The following ATP1B3 variants were observed in gnomAD, a reference collection of about 807,000 sequenced individuals.
ATP1B3 encodes the protein ATPase Na+/K+ transporting subunit beta 3.
In ATP1B3, 10 loss-of-function variants were observed where a neutral mutation model predicts 30.2. The ratio of observed to expected loss-of-function variants is 0.33; its 90% CI spans 0.20 to 0.56. ATP1B3 has a LOEUF of 0.56. Ranked by LOEUF, ATP1B3 falls within the 20% of genes least tolerant of loss-of-function variation. The probability of loss-of-function intolerance (pLI) is 0.90; values close to 1 mark genes in which losing one functional copy is unlikely to be tolerated. For synonymous variants in ATP1B3, 113 were observed against 117.0 expected, an observed-to-expected ratio of 0.97 and a Z score of 0.22; for missense variants, 238 against 336.7, an observed-to-expected ratio of 0.71 and a Z score of 2.29.
intron 1 of ATP1B3, among the ~76,000 whole-genome samples, chr3:141,886,398 G>A (rs1406857725): frequency 1.5e-4 from 23 of 152,040 alleles, no homozygotes; most frequent in Non-Finnish European, 1.5e-5. Context: ...ATGCTCAGGT[G>A]GAAATAATAC....
At chr3:141,901,623 T>A (rs922280744) in intron 1 of ATP1B3, among the ~76,000 whole-genome samples, 1 of 152,224 alleles carries the variant, frequency 6.6e-6, no homozygotes, top group Admixed American at 6.5e-5. Flanking sequence ...TTCTTTATAC[T>A]CATTATTTTC....
At chr3:141,917,771 AT>A (rs751369430) in intron 5 of ATP1B3, among the ~76,000 whole-genome samples, 146 of 140,898 alleles carry the variant, frequency 1.0e-3, no homozygotes, top group Admixed American at 1.1e-3. Context: ...ATTTTATTTT[AT>A]TTTTTTTTTT....
intron 3 of ATP1B3, among the ~76,000 whole-genome samples, chr3:141,908,068 CTT>C (rs56374653): frequency 0.044 from 4,782 of 109,328 alleles, 199 homozygotes; most frequent in African/African-American, 0.15. Context: ...GCCAGGCATT[CTT>C]TTTTTTTTTT....
chr3:141,879,550 T>A (rs1007859161), intron 1 of ATP1B3, among the ~76,000 whole-genome samples: 9 of 151,566 alleles, frequency 5.9e-5, no homozygotes, highest in African/African-American at 2.2e-4. Flanking sequence ...GGTGGGTGGA[T>A]CACTTGAGGG....
chr3:141,918,765 CTTGT>C (rs1342155648), intron 5 of ATP1B3: 1 of 152,122 alleles, frequency 6.6e-6, no homozygotes, highest in Non-Finnish European at 1.5e-5. Flanking sequence ...CATTTTTCTT[CTTGT>C]TTATCTATTA....
chr3:141,911,273 A>G (rs575179895), intron 3 of ATP1B3, among the ~76,000 whole-genome samples: 1 of 152,046 alleles, frequency 6.6e-6, no homozygotes, highest in East Asian at 1.9e-4. Context: ...CTGGGGGTTT[A>G]CTTTAATTTT....
chr3:141,901,309 GTAAC>G (rs1200454154), intron 1 of ATP1B3, among the ~76,000 whole-genome samples: 1 of 152,156 alleles, frequency 6.6e-6, no homozygotes, highest in Non-Finnish European at 1.5e-5. Flanking sequence ...CTACATCTGA[GTAAC>G]TAATTTAACT....
intron 4 of ATP1B3, among the ~76,000 whole-genome samples, chr3:141,915,210 C>T (rs1390044991): frequency 6.6e-6 from 1 of 152,106 alleles, no homozygotes; most frequent in Non-Finnish European, 1.5e-5. Flanking sequence ...TGACTCAGGG[C>T]ATGGCTTTGT....
Position 141,917,565 on chromosome 3 carries a change from G to A in ATP1B3, c.582+1545G>A, listed in dbSNP as rs144332274. On this transcript the variant is annotated intron_variant, in intron 5 of 6. Transcript: ENST00000286371. ...GAAAATTAGCTGGGCATGGTGGCAC[G>A]CACCTGTAGTCCCAGCTATTCAGGA... is the stretch of plus-strand genomic sequence containing the variant. 5.2e-3 allele frequency among the ~76,000 whole-genome samples: 794 copies of A among 151,860 alleles called. 5 individuals are homozygous for A. The highest frequency in any genetic ancestry group is 0.018 in the African/African-American group (745 of 41,470).
At chr3:141,904,034 C>T (rs1479620741) in intron 2 of ATP1B3, among the ~76,000 whole-genome samples, 1 of 152,236 alleles carries the variant, frequency 6.6e-6, no homozygotes, top group African/African-American at 2.4e-5. Flanking sequence ...TCTGCCCCGC[C>T]TTGGCCTCCC....
chr3:141,910,492 AATTG>A (rs1934339498), intron 3 of ATP1B3, among the ~76,000 whole-genome samples: 1 of 152,058 alleles, frequency 6.6e-6, no homozygotes, highest in Non-Finnish European at 1.5e-5. Flanking sequence ...ACTCAATAAT[AATTG>A]ATTTACTATT....
intron 4 of ATP1B3, 57 bp downstream of exon 4, chr3:141,913,893 G>A (rs1934410877): frequency 1.4e-6 from 2 of 1,477,402 alleles, no homozygotes; most frequent in Non-Finnish European, 1.8e-6. Context: ...TTTTAAGGAG[G>A]CAACTATTTT....
At chr3:141,900,274 GC>G (rs1192969485) in intron 1 of ATP1B3, among the ~76,000 whole-genome samples, 1 of 152,084 alleles carries the variant, frequency 6.6e-6, no homozygotes, top group African/African-American at 2.4e-5. Flanking sequence ...TGGAGACTGA[GC>G]TATATTGTGT....
chr3:141,910,998 CA>C (rs1283557782), intron 3 of ATP1B3, among the ~76,000 whole-genome samples: 5 of 150,120 alleles, frequency 3.3e-5, no homozygotes, highest in African/African-American at 1.2e-4. Context: ...GAAAGTTTTT[CA>C]TTTTTTTTTT....
rs56393829 is a variant in ATP1B3 at position 141,889,750 on chromosome 3, A to ATAT, written c.109+12840_109+12841insTAT. On this transcript the variant is annotated intron_variant, in intron 1 of 6. Coordinates refer to ENST00000286371, the MANE Select transcript of ATP1B3 (RefSeq NM_001679.4). ...TCTCAAAAAAAAAAAAAAAAAAAAA[A>ATAT]ATATATACACACACACACACACACA... Among the ~76,000 whole-genome samples the ATAT allele has an allele frequency of 2.3e-4, 18 of 79,078 alleles. 1 individual carries two copies. The highest frequency in any genetic ancestry group is 8.5e-4 in the African/African-American group (18 of 21,064). The allele number at this position is 79,078 out of a possible 152,430, so 51.9% of individuals were successfully genotyped here.
chr3:141,880,204 T>A (rs924426427), intron 1 of ATP1B3, among the ~76,000 whole-genome samples: 9 of 152,232 alleles, frequency 5.9e-5, no homozygotes, highest in Non-Finnish European at 8.8e-5. Context: ...TGTTGCAAGT[T>A]ACATTGCATT....
intron 4 of ATP1B3, 146 bp downstream of exon 4, chr3:141,913,982 T>A: frequency 1.4e-6 from 1 of 715,396 alleles, no homozygotes; most frequent in Non-Finnish European, 2.2e-6. Context: ...AGACTAGCAG[T>A]AATGTTTATT....
chr3:141,881,681 A>G (rs747862235), intron 1 of ATP1B3, among the ~76,000 whole-genome samples: 3 of 152,230 alleles, frequency 2.0e-5, no homozygotes, highest in Non-Finnish European at 4.4e-5. Context: ...GACCTTGGCA[A>G]GGACATTGAG....
intron 1 of ATP1B3, chr3:141,902,177 A>G: frequency 1.6e-6 from 2 of 1,289,810 alleles, no homozygotes; most frequent in Non-Finnish European, 2.0e-6. Flanking sequence ...TCTGAAGGTG[A>G]CATCCTGTTC....
Sources: gnomAD v4.1 joint callset for allele counts (sites outside exome capture counted in the v4.1 genomes callset) on GRCh38, gnomAD v4.1.1 for gene constraint, MANE v1.5 for transcripts, NCBI Gene and HGNC (gene_info 2026-07-23, HGNC 2026-07-21) for gene names.